ZNF592: variants seen among roughly 807,000 people sequenced by gnomAD.
ZNF592 encodes the protein zinc finger protein 592.
A neutral mutation model predicts 80.3 loss-of-function variants in ZNF592; 11 were observed. The observed-to-expected ratio is 0.14, with a 90% CI of 0.09 to 0.23. The LOEUF (loss-of-function observed/expected upper bound fraction) is 0.23, where lower values mean the gene tolerates loss of function less well. Ranked by LOEUF, ZNF592 falls within the 10% of genes least tolerant of loss-of-function variation. ZNF592 has a pLI of 1.00. For missense variants in ZNF592, 1,420 were observed against 1,633.9 expected, an observed-to-expected ratio of 0.87 and a Z score of 2.26; for synonymous variants, 646 against 640.3, an observed-to-expected ratio of 1.01 and a Z score of -0.13.
chr15:84,750,949 T>G (rs113736895), intron 1 of ZNF592, among the ~76,000 whole-genome samples: 1,616 of 152,172 alleles, frequency 0.011, 14 homozygotes, highest in South Asian at 0.016. Context: ...CTTTGAAGGG[T>G]TTAAGGGAAT....
At chr15:84,793,550 G>A (rs991501015) in intron 5 of ZNF592, among the ~76,000 whole-genome samples, 1 of 152,172 alleles carries the variant, frequency 6.6e-6, no homozygotes, top group Non-Finnish European at 1.5e-5. Context: ...TGAAGATAGC[G>A]ATATTAAAAT....
rs1223068199 is a variant in ZNF592 at position 84,783,493 on chromosome 15, G to A, written c.818G>A (p.Arg273His). ...GTCSSVPPRQ[R>H]LKPAHSKLSS... ...TGCTCATCAGTCCCCCCTAGGCAGC[G>A]TCTAAAGCCAGCTCATTCCAAGCTG... The change falls in exon 4 of 11, where the codon CGT becomes CAT. Residue 273 changes from arginine (R) to histidine (H), a missense_variant. By Grantham distance (29) the Arg-to-His change is conservative. Transcript: ENST00000560079. This position sits in a 1 kb window ranked among gnomAD's most constrained non-coding sequence, Gnocchi z 5.0. 17 of 1,614,226 alleles carry A rather than the reference G, an allele frequency of 1.1e-5. No individual in the cohort carries two copies. Among genetic ancestry groups the A allele is most frequent in the South Asian group, 2.2e-5 (2 of 91,088 alleles).
chr15:84,787,515 T>G (rs1962625345), intron 4 of ZNF592, among the ~76,000 whole-genome samples: 1 of 152,182 alleles, frequency 6.6e-6, no homozygotes. Context: ...ATAGTTGGGC[T>G]CCACACCACA....
chr15:84,798,248 A>G lies in ZNF592; in HGVS notation c.2577-67A>G, dbSNP rs1207482145. On this transcript the variant is annotated intron_variant, in intron 6 of 10. Coordinates refer to ENST00000560079, the MANE Select transcript of ZNF592 (RefSeq NM_014630.3). This position sits in a 1 kb window ranked among gnomAD's most constrained non-coding sequence, Gnocchi z 4.5. Reference sequence around the variant, plus strand: ...CCAAACTTGACCCTGGTTCAGAGAGAGCAGAGATGGGTGGAGGGGCTGCAT... The same window carrying G: ...CCAAACTTGACCCTGGTTCAGAGAGGGCAGAGATGGGTGGAGGGGCTGCAT... 1.2e-6 allele frequency: 2 copies of G among 1,610,044 alleles called. No homozygotes were observed. The highest frequency in any genetic ancestry group is 1.7e-5 in the Admixed American group (1 of 60,000).
intron 1 of ZNF592, among the ~76,000 whole-genome samples, chr15:84,754,660 G>C (rs1007423065): frequency 6.6e-6 from 1 of 150,826 alleles, no homozygotes; most frequent in Non-Finnish European, 1.5e-5. Context: ...CTTGATCCCA[G>C]GAGTTCGAGA....
In ZNF592 at chr15:84,799,024, C is replaced by A; in HGVS notation, c.3025-74C>A. On this transcript the variant is annotated intron_variant, in intron 8 of 10. Coordinates refer to ENST00000560079, the MANE Select transcript of ZNF592 (RefSeq NM_014630.3). This position sits in a 1 kb window ranked among gnomAD's most constrained non-coding sequence, Gnocchi z 4.2. ...GGAGTATCCTCCTTTCTGCCCATGG[C>A]ATCTGAGAAGAAAAATGCACCCAGA... The A allele has an allele frequency of 1.3e-6, 2 of 1,595,542 alleles. No homozygotes were observed. Among genetic ancestry groups the A allele is most frequent in the Non-Finnish European group, 1.7e-6 (2 of 1,163,292 alleles).
intron 3 of ZNF592, among the ~76,000 whole-genome samples, chr15:84,781,030 G>T (rs978301272): frequency 2.6e-5 from 4 of 151,824 alleles, no homozygotes; most frequent in African/African-American, 7.3e-5. Context: ...TTCATAATGA[G>T]AATTTTTATT....
chr15:84,789,423 G>A (rs537892561), intron 4 of ZNF592, among the ~76,000 whole-genome samples: 1 of 152,102 alleles, frequency 6.6e-6, no homozygotes, highest in South Asian at 2.1e-4. Flanking sequence ...TTGAGACCTT[G>A]CTTTTAAGTC....
intron 1 of ZNF592, among the ~76,000 whole-genome samples, chr15:84,758,612 T>C (rs1567058978): frequency 6.6e-6 from 1 of 152,080 alleles, no homozygotes. Flanking sequence ...TGTGTACTTG[T>C]ATTTAAAGTC....
intron 1 of ZNF592, among the ~76,000 whole-genome samples, chr15:84,754,316 C>T (rs1185253635): frequency 1.3e-5 from 2 of 152,140 alleles, no homozygotes; most frequent in Non-Finnish European, 2.9e-5. Flanking sequence ...CCCAGCAGTA[C>T]TTTGGGAGGA....
At position 84,778,187 on chromosome 15, in the gene ZNF592, G is replaced by T; in HGVS notation, c.-145G>T. On this transcript the variant is annotated 5_prime_UTR_variant, in exon 3 of 11. Coordinates refer to ENST00000560079, the MANE Select transcript of ZNF592 (RefSeq NM_014630.3). ...TGTTTTTGTTTTTGTTTTAAGGAGC[G>T]GAGAGTTTAATAGGCAAGAAGGAAG... is the stretch of plus-strand genomic sequence containing the variant. 6.3e-6 allele frequency: 1 copy of T among 158,568 alleles called. No homozygotes were observed. The highest frequency in any genetic ancestry group is 1.4e-5 in the Non-Finnish European group (1 of 71,722). The allele number at this position is 158,568 out of a possible 1,614,324, so 9.8% of individuals were successfully genotyped here.
intron 2 of ZNF592, among the ~76,000 whole-genome samples, chr15:84,766,180 A>G (rs776771820): frequency 6.6e-6 from 1 of 151,968 alleles, no homozygotes; most frequent in Non-Finnish European, 1.5e-5. Context: ...GCCTGGCTAC[A>G]TGGTCAATCT....
In ZNF592 at chr15:84,798,632, C is replaced by G. The variant is rs762348274; in HGVS notation, c.2781C>G (p.Leu927=). 2.5e-6 allele frequency: 4 copies of G among 1,614,078 alleles called. No homozygotes were observed. Among genetic ancestry groups the G allele is most frequent in the Non-Finnish European group, 3.4e-6 (4 of 1,180,040 alleles). ...GAAATGTGGACGAGCTGTCAAGCCT[C>G]CAGTCTTCAGCGGACACATCCTCAA... ...VPRNVDELSS[L]QSSADTSSSR... Residue 927 remains leucine (L), a synonymous_variant, in exon 8 of 11, where the codon CTC becomes CTG. Transcript: ENST00000560079. This position sits in a 1 kb window ranked among gnomAD's most constrained non-coding sequence, Gnocchi z 4.5.
In ZNF592 at chr15:84,790,731, G is replaced by A. The variant is rs1962722463; in HGVS notation, c.2247G>A (p.Leu749=). ...GLTCQVCQML[L]PNQCSFCAHQ... is the part of the protein sequence containing the mutation. ...CCTGCCAGGTATGCCAAATGCTGCT[G>A]CCCAACCAGTGCAGTTTCTGTGCCC... Residue 749 remains leucine, a synonymous_variant, in exon 5 of 11, where the codon CTG becomes CTA. Transcript: ENST00000560079. The A allele has an allele frequency of 1.2e-6, 2 of 1,614,126 alleles. No individual in the cohort carries two copies. Among genetic ancestry groups the A allele is most frequent in the South Asian group, 1.1e-5 (1 of 91,076 alleles).
chr15:84,783,235 C>G lies in ZNF592; in HGVS notation c.560C>G (p.Ala187Gly). 6.2e-7 allele frequency: 1 copy of G among 1,614,186 alleles called. No homozygotes were observed. The highest frequency in any genetic ancestry group is 8.5e-7 in the Non-Finnish European group (1 of 1,180,032). The change falls in exon 4 of 11, where the codon GCT (alanine) becomes GGT (glycine). Residue 187 changes from alanine (A) to glycine (G), a missense_variant. By Grantham distance (60) the Ala-to-Gly change is moderately conservative. Around this residue, in one of 7 missense-constraint regions of ZNF592, gnomAD observed 373 missense variants for 355.5 expected, o/e 1.05. Transcript: ENST00000560079. The surrounding 1 kb of genome is among the most constrained non-coding windows in gnomAD (Gnocchi z 5.0). ...AVGGPVLEAL[A>G]KFPVPELHMF... Reference sequence around the variant, plus strand: ...GGAGGCCCAGTCCTGGAGGCTCTGGCTAAGTTTCCGGTTCCAGAGCTGCAT... The same window carrying G: ...GGAGGCCCAGTCCTGGAGGCTCTGGGTAAGTTTCCGGTTCCAGAGCTGCAT...
intron 2 of ZNF592, among the ~76,000 whole-genome samples, chr15:84,776,209 G>A (rs906746614): frequency 6.6e-5 from 10 of 152,232 alleles, no homozygotes; most frequent in African/African-American, 2.4e-4. Context: ...CTGTAGGCCA[G>A]GCCATGGTTC....
Position 84,798,169 on chromosome 15 carries a change from C to T in ZNF592, c.2576+124C>T. 2 of 1,560,830 alleles carry T rather than the reference C, an allele frequency of 1.3e-6. No individual in the cohort carries two copies. Among genetic ancestry groups the T allele is most frequent in the East Asian group, 2.2e-5 (1 of 44,556 alleles). On this transcript the variant is annotated intron_variant, in intron 6 of 10. Transcript: ENST00000560079. The surrounding 1 kb of genome is among the most constrained non-coding windows in gnomAD (Gnocchi z 4.5). ...AGTGGCAGAGGTGCCTGGGGTCGTA[C>T]TAAGGATGTCCTGAGGCAGGGGAGC...
At chr15:84,757,887 C>G (rs928736713) in intron 1 of ZNF592, among the ~76,000 whole-genome samples, 1 of 151,442 alleles carries the variant, frequency 6.6e-6, no homozygotes, top group African/African-American at 2.4e-5. Context: ...GTCTCAAACT[C>G]CTGAGCTCAG....
At chr15:84,768,928 T>C (rs921578832) in intron 2 of ZNF592, among the ~76,000 whole-genome samples, 1 of 152,232 alleles carries the variant, frequency 6.6e-6, no homozygotes, top group African/African-American at 2.4e-5. Context: ...GCTTGTCAAA[T>C]TGTTCTTCCT....
Sources: gnomAD v4.1 joint callset for allele counts (sites outside exome capture counted in the v4.1 genomes callset) on GRCh38, gnomAD v4.1.1 for gene constraint, gnomAD v4.1.1 regional missense constraint, Gnocchi (gnomAD v3.1) non-coding constraint, MANE v1.5 for transcripts, NCBI Gene and HGNC (gene_info 2026-07-23, HGNC 2026-07-21) for gene names.